AGBL1: variants seen among roughly 807,000 people sequenced by gnomAD.
AGBL1 encodes the protein AGBL carboxypeptidase 1.
AGBL1 carries 130 observed loss-of-function variants against 118.9 expected under a neutral mutation model. That is an observed-to-expected ratio of 1.09 (90% CI 0.95 to 1.26). The LOEUF is 1.26. Among genes scored for constraint, AGBL1 ranks in the 50% most tolerant of loss-of-function variants. The probability of loss-of-function intolerance (pLI) is 0.00; values close to 1 mark genes in which losing one functional copy is unlikely to be tolerated. For missense variants in AGBL1, 1,584 were observed against 1,298.1 expected (o/e 1.22, Z -3.38); for synonymous variants, 555 against 478.9 (o/e 1.16, Z -2.08).
At chr15:86,127,422 G>C (rs2076761194) in intron 1 of AGBL1, among the ~76,000 whole-genome samples, 1 of 152,180 alleles carries the variant, frequency 6.6e-6, no homozygotes, top group Non-Finnish European at 1.5e-5. Context: ...GCCTTCTGTT[G>C]CAGGATAGGA....
intron 18 of AGBL1, among the ~76,000 whole-genome samples, chr15:86,467,163 G>A (rs2082417965): frequency 1.3e-5 from 2 of 152,194 alleles, no homozygotes; most frequent in African/African-American, 4.8e-5. Flanking sequence ...TTTCAGAGAG[G>A]CCCTGCCCCG....
intron 22 of AGBL1, among the ~76,000 whole-genome samples, chr15:86,739,443 CAA>C (rs34530266): frequency 0.13 from 8,331 of 66,048 alleles, 102 homozygotes; most frequent in East Asian, 0.21. Flanking sequence ...AACTCCATCT[CAA>C]AAAAAAAAAA....
chr15:86,128,633 C>T (rs573028466), intron 1 of AGBL1, among the ~76,000 whole-genome samples: 85 of 152,262 alleles, frequency 5.6e-4, no homozygotes, highest in African/African-American at 2.0e-3. Context: ...ACAGTGTTTG[C>T]GCGTTATTTT....
At chr15:86,330,272 A>G (rs901321319) in intron 17 of AGBL1, among the ~76,000 whole-genome samples, 7 of 152,202 alleles carry the variant, frequency 4.6e-5, no homozygotes, top group Admixed American at 6.5e-5. Flanking sequence ...GCTGTAACCC[A>G]TAAGGTACGT....
At chr15:86,538,350 T>C (rs1020344180) in intron 19 of AGBL1, among the ~76,000 whole-genome samples, 3 of 152,222 alleles carry the variant, frequency 2.0e-5, no homozygotes, top group Admixed American at 2.0e-4. Flanking sequence ...GTGGTTAACC[T>C]CAGCTAGGAC....
intron 24 of AGBL1, among the ~76,000 whole-genome samples, chr15:87,026,574 GAAC>G (rs1306887792): frequency 6.6e-6 from 1 of 152,068 alleles, no homozygotes; most frequent in Non-Finnish European, 1.5e-5. Flanking sequence ...CAATCACTAT[GAAC>G]AACAGTGTGG....
chr15:86,234,908 T>C (rs956121282), intron 6 of AGBL1, among the ~76,000 whole-genome samples: 1 of 152,198 alleles, frequency 6.6e-6, no homozygotes, highest in South Asian at 2.1e-4. Context: ...TGTAAATTTG[T>C]CTCCCAAGAT....
rs780199992 is a variant in AGBL1, at chr15:86,397,390, C to A, written c.2399C>A (p.Thr800Asn). 9.9e-6 allele frequency: 16 copies of A among 1,609,486 alleles called. No homozygotes were observed. The highest frequency in any genetic ancestry group is 1.3e-5 in the Non-Finnish European group (15 of 1,177,282). Residue 800 changes from threonine to asparagine, a missense_variant, in exon 18 of 23, where the codon ACT (threonine) becomes AAT (asparagine). By Grantham distance (65) the Thr-to-Asn change is moderately conservative. Coordinates refer to ENST00000614907, the MANE Select transcript of AGBL1 (RefSeq NM_001386094.1). ...QFRHRPYQVI[T>N]ARVHPGESNA... is the part of the protein sequence containing the mutation. ...GGACATCGTCCATATCAGGTGATCA[C>A]TGCTCGAGTTCATCCAGGAGAGAGC...
At chr15:86,583,841 C>CA (rs1253258500) in intron 21 of AGBL1, among the ~76,000 whole-genome samples, 1 of 152,106 alleles carries the variant, frequency 6.6e-6, no homozygotes, top group African/African-American at 2.4e-5. Flanking sequence ...TCCACAGCCT[C>CA]ATCAGCATCT....
At chr15:86,966,331 T>A (rs2081052583) in intron 23 of AGBL1, among the ~76,000 whole-genome samples, 1 of 151,810 alleles carries the variant, frequency 6.6e-6, no homozygotes, top group Non-Finnish European at 1.5e-5. Flanking sequence ...TATCTTTTTT[T>A]TTTATTATTA....
chr15:86,423,742 A>G (rs936131822), intron 18 of AGBL1, among the ~76,000 whole-genome samples: 3 of 152,156 alleles, frequency 2.0e-5, no homozygotes, highest in Non-Finnish European at 4.4e-5. Context: ...TACACCAATA[A>G]CAGACAGAGA....
At chr15:86,547,757 T>A (rs150217423) in intron 20 of AGBL1, among the ~76,000 whole-genome samples, 25 of 152,296 alleles carry the variant, frequency 1.6e-4, no homozygotes, top group African/African-American at 5.5e-4. Context: ...GTGGGTCAGT[T>A]GTCTGAGCCT....
At chr15:86,806,070 G>T (rs1366326045) in intron 22 of AGBL1, among the ~76,000 whole-genome samples, 2 of 152,150 alleles carry the variant, frequency 1.3e-5, no homozygotes, top group Non-Finnish European at 2.9e-5. Context: ...CTGTTTGGAG[G>T]CTTGCTGGGG....
At chr15:86,257,888 G>C in intron 8 of AGBL1, 76 bp from the exon 9 acceptor site, 3 of 1,432,682 alleles carry the variant, frequency 2.1e-6, no homozygotes, top group Non-Finnish European at 2.9e-6. Flanking sequence ...AAGAACCACT[G>C]TATGGTGAAA....
chr15:86,982,384 C>T (rs62034310), intron 23 of AGBL1, among the ~76,000 whole-genome samples: 25,934 of 151,330 alleles, frequency 0.17, 2,238 homozygotes, highest in Non-Finnish European at 0.18. Context: ...GCTTGTGGTA[C>T]ATTCTTATTT....
intron 4 of AGBL1, among the ~76,000 whole-genome samples, chr15:86,156,780 T>C: frequency 1.2e-5 from 1 of 81,502 alleles, no homozygotes; most frequent in East Asian, 2.7e-4. Context: ...TTTTCTTTCT[T>C]TTTTCTTTTC....
At chr15:87,007,271 C>T (rs1277203211) in intron 24 of AGBL1, among the ~76,000 whole-genome samples, 1 of 152,078 alleles carries the variant, frequency 6.6e-6, no homozygotes, top group Admixed American at 6.5e-5. Flanking sequence ...AGCTGAAATA[C>T]TACAGGTTTG....
chr15:86,679,244 A>G (rs1475803940), intron 22 of AGBL1, among the ~76,000 whole-genome samples: 1 of 152,074 alleles, frequency 6.6e-6, no homozygotes, highest in Non-Finnish European at 1.5e-5. Context: ...TTTGATGTTC[A>G]TCAGTAAAGT....
Position 86,946,838 on chromosome 15 carries a change from C to T in AGBL1, c.3222-41149C>T, listed in dbSNP as rs552418157. ...CAGCCTGGGCAACGAGAGTGAAACT[C>T]GGTCCAAAAAAAAAAAAAAAAAACA... On this transcript the variant is annotated intron_variant, in intron 23 of 24. Coordinates refer to the AGBL1 transcript ENST00000441037. 3.8e-3 allele frequency among the ~76,000 whole-genome samples: 206 copies of T among 53,872 alleles called. 2 individuals are homozygous for T. The highest frequency in any genetic ancestry group is 0.011 in the African/African-American group (185 of 16,212). 35.3% of individuals were successfully genotyped at this position (53,872 alleles called of 152,430 possible).
Sources: allele counts gnomAD v4.1 joint callset (sites outside exome capture counted in the v4.1 genomes callset), GRCh38; gene constraint gnomAD v4.1.1; transcripts MANE v1.5; gene names NCBI Gene and HGNC (gene_info 2026-07-23, HGNC 2026-07-21).